Variants in PIK3C2A observed in about 807,000 individuals in gnomAD.
PIK3C2A encodes phosphatidylinositol 4-phosphate 3-kinase C2 domain-containing subunit alpha.
Under a neutral mutation model 204.5 loss-of-function variants are expected in PIK3C2A, and 97 were observed. That is an observed-to-expected ratio of 0.47 (90% CI 0.40 to 0.56). PIK3C2A has a LOEUF of 0.56. Among genes scored for constraint, PIK3C2A ranks in the 20% least tolerant of loss-of-function variants. The pLI is 0.00. For synonymous variants in PIK3C2A, 653 were observed against 664.4 expected (o/e 0.98, Z 0.26); for missense variants, 1,735 against 1,969.2 (o/e 0.88, Z 2.25).
Position 17,169,246 on chromosome 11 carries a change from C to G in PIK3C2A, c.496G>C (p.Ala166Pro), listed in dbSNP as rs757655887. 1 of 1,614,010 alleles carries G rather than the reference C, an allele frequency of 6.2e-7. No individual in the cohort carries two copies. Among genetic ancestry groups the G allele is most frequent in the Non-Finnish European group, 8.5e-7 (1 of 1,179,982 alleles). Residue 166 changes from alanine (A) to proline (P), a missense_variant, in exon 2 of 33, where the codon GCT (alanine) becomes CCT (proline). Ala to Pro is a conservative substitution (Grantham distance 27). This residue lies in a region of PIK3C2A where 536 missense variants were observed against 546.7 expected (regional missense o/e 0.98). Transcript: ENST00000691414. ...SIYPSTYSKQ[A>P]AFQNGFNPRM... The stretch of plus-strand genomic sequence containing the variant: ...GGATTGAAGCCATTTTGGAATGCAG[C>G]CTGTTTACTGTAAGTAGAAGGATAA...
intron 2 of PIK3C2A, among the ~76,000 whole-genome samples, chr11:17,161,062 G>C (rs1163887412): frequency 6.6e-6 from 1 of 152,140 alleles, no homozygotes; most frequent in Non-Finnish European, 1.5e-5. Context: ...GAGGTTTAAG[G>C]AAAGTGGTGA....
At chr11:17,190,383 C>A (rs1354551021) in intron 1 of PIK3C2A, among the ~76,000 whole-genome samples, 3 of 151,958 alleles carry the variant, frequency 2.0e-5, no homozygotes, top group African/African-American at 7.3e-5. Context: ...ACCAGCCTGG[C>A]CAACATGGTG....
At chr11:17,116,780 G>A (rs565129457) in intron 19 of PIK3C2A, among the ~76,000 whole-genome samples, 7 of 152,008 alleles carry the variant, frequency 4.6e-5, no homozygotes, top group South Asian at 2.1e-4. Flanking sequence ...TAGTAGAGAC[G>A]GGGTTTCACC....
chr11:17,123,676 A>C (rs1207073933), intron 13 of PIK3C2A, among the ~76,000 whole-genome samples: 1 of 152,166 alleles, frequency 6.6e-6, no homozygotes, highest in Non-Finnish European at 1.5e-5. Flanking sequence ...TGCAAGACTA[A>C]ATTTTCCTGT....
intron 1 of PIK3C2A, among the ~76,000 whole-genome samples, chr11:17,207,187 A>T (rs1852610676): frequency 6.6e-6 from 1 of 152,206 alleles, no homozygotes; most frequent in African/African-American, 2.4e-5. Context: ...ATTATTTATG[A>T]TTCCTCCGTC....
chr11:17,114,513 C>G (rs774102436), intron 19 of PIK3C2A, 48 bp from the exon 20 acceptor site: 1 of 862,852 alleles, frequency 1.2e-6, no homozygotes, highest in East Asian at 2.4e-5. Flanking sequence ...AAATGAAGAT[C>G]TATTTTTCAG....
intron 1 of PIK3C2A, among the ~76,000 whole-genome samples, chr11:17,202,346 G>T (rs1216212109): frequency 2.6e-5 from 4 of 151,742 alleles, no homozygotes; most frequent in Non-Finnish European, 4.4e-5. Flanking sequence ...CAGCGCTTTA[G>T]GAGGCCAAGG....
intron 1 of PIK3C2A, among the ~76,000 whole-genome samples, chr11:17,172,414 C>A (rs1851205633): frequency 6.6e-6 from 1 of 152,144 alleles, no homozygotes; most frequent in South Asian, 2.1e-4. Context: ...GTGAGTGAAG[C>A]CACCATCTTA....
At chr11:17,135,245 T>C in intron 9 of PIK3C2A, 86 bp from the exon 10 acceptor site, 1 of 1,355,842 alleles carries the variant, frequency 7.4e-7, no homozygotes, top group Non-Finnish European at 1.0e-6. Flanking sequence ...AGAAACTCTT[T>C]CCAGGGGAAA....
At chr11:17,159,286 C>T (rs1351107683) in intron 2 of PIK3C2A, among the ~76,000 whole-genome samples, 1 of 152,184 alleles carries the variant, frequency 6.6e-6, no homozygotes. Flanking sequence ...TATGTGCAAT[C>T]CTCACACTGT....
At chr11:17,099,323 G>A (rs1049030378) in intron 26 of PIK3C2A, among the ~76,000 whole-genome samples, 1 of 152,156 alleles carries the variant, frequency 6.6e-6, no homozygotes, top group Non-Finnish European at 1.5e-5. Context: ...AACACCAAAG[G>A]TCTCCATGGA....
intron 1 of PIK3C2A, among the ~76,000 whole-genome samples, chr11:17,194,614 A>G (rs1302215680): frequency 2.0e-5 from 3 of 152,214 alleles, no homozygotes; most frequent in Admixed American, 6.5e-5. Flanking sequence ...ACATTGGATG[A>G]TAAGATTCAT....
At chr11:17,160,633 A>C (rs1437220725) in intron 2 of PIK3C2A, among the ~76,000 whole-genome samples, 1 of 152,010 alleles carries the variant, frequency 6.6e-6, no homozygotes, top group Non-Finnish European at 1.5e-5. Flanking sequence ...AGACCAGCCT[A>C]GGCAACATAG....
intron 27 of PIK3C2A, among the ~76,000 whole-genome samples, chr11:17,095,874 G>A (rs1005585985): frequency 3.5e-5 from 5 of 141,654 alleles, no homozygotes; most frequent in South Asian, 2.3e-4. Context: ...ACGAGATTGC[G>A]CCACTGCACT....
intron 13 of PIK3C2A, among the ~76,000 whole-genome samples, chr11:17,129,089 C>T (rs1849612079): frequency 6.6e-6 from 1 of 152,206 alleles, no homozygotes; most frequent in Non-Finnish European, 1.5e-5. Flanking sequence ...CAAAGCTGTG[C>T]ATACCTATTC....
At chr11:17,201,535 A>T (rs1358113597) in intron 1 of PIK3C2A, among the ~76,000 whole-genome samples, 2 of 111,736 alleles carry the variant, frequency 1.8e-5, no homozygotes, top group African/African-American at 5.9e-5. Flanking sequence ...CAAAAAAAAA[A>T]AAAAAAAAGA....
At chr11:17,192,661 A>G (rs1027246014) in intron 1 of PIK3C2A, among the ~76,000 whole-genome samples, 1 of 152,188 alleles carries the variant, frequency 6.6e-6, no homozygotes, top group Admixed American at 6.5e-5. Flanking sequence ...TAGCCAGGAT[A>G]GTCTCAAACT....
intron 21 of PIK3C2A, among the ~76,000 whole-genome samples, chr11:17,111,289 T>C (rs1042280971): frequency 3.9e-5 from 6 of 152,178 alleles, no homozygotes; most frequent in Non-Finnish European, 7.3e-5. Context: ...TCAATGCCAA[T>C]ATCCTGATTG....
chr11:17,139,402 A>G (rs980315019), intron 8 of PIK3C2A, among the ~76,000 whole-genome samples: 2 of 151,136 alleles, frequency 1.3e-5, no homozygotes, highest in East Asian at 3.9e-4. Context: ...TAATTTTTGT[A>G]ATTTTAGTAG....
Sources: gnomAD v4.1 joint callset for allele counts (sites outside exome capture counted in the v4.1 genomes callset) on GRCh38, gnomAD v4.1.1 for gene constraint, gnomAD v4.1.1 regional missense constraint, MANE v1.5 for transcripts, NCBI Gene and HGNC (gene_info 2026-07-23, HGNC 2026-07-21) for gene names.